Variants in CD2AP observed in about 807,000 individuals in gnomAD.
CD2AP encodes CD2-associated protein.
A neutral mutation model predicts 85.1 loss-of-function variants in CD2AP; 46 were observed. The observed-to-expected ratio is 0.54, with a 90% CI of 0.43 to 0.69. CD2AP has a LOEUF of 0.69. Ranked by LOEUF, CD2AP falls within the 30% of genes least tolerant of loss-of-function variation. The pLI is 0.00. For synonymous variants in CD2AP, 255 were observed against 252.9 expected, an observed-to-expected ratio of 1.01 and a Z score of -0.08; for missense variants, 769 against 729.5, an observed-to-expected ratio of 1.05 and a Z score of -0.62.
intron 1 of CD2AP, among the ~76,000 whole-genome samples, chr6:47,482,424 G>A (rs372131077): frequency 2.0e-5 from 3 of 149,848 alleles, no homozygotes; most frequent in East Asian, 2.0e-4. Context: ...TGTCGCCCAG[G>A]CTGGAGTGCA....
intron 3 of CD2AP, among the ~76,000 whole-genome samples, chr6:47,536,605 T>C (rs1452943934): frequency 6.6e-6 from 1 of 152,176 alleles, no homozygotes; most frequent in Admixed American, 6.5e-5. Flanking sequence ...AATGAAGCCG[T>C]GAAAACTTTT....
At chr6:47,480,082 T>C (rs1765406841) in intron 1 of CD2AP, among the ~76,000 whole-genome samples, 1 of 152,196 alleles carries the variant, frequency 6.6e-6, no homozygotes, top group African/African-American at 2.4e-5. Context: ...GTGTTCTGTT[T>C]AGGTGAGTTT....
At chr6:47,504,482 T>C (rs1475556479) in intron 2 of CD2AP, among the ~76,000 whole-genome samples, 2 of 152,246 alleles carry the variant, frequency 1.3e-5, no homozygotes, top group African/African-American at 2.4e-5. Flanking sequence ...AGATCTGTTA[T>C]ATAAAATGGC....
chr6:47,573,998 T>C, intron 5 of CD2AP, 66 bp from the exon 6 acceptor site: 1 of 1,349,096 alleles, frequency 7.4e-7, no homozygotes, highest in Non-Finnish European at 1.1e-6. Context: ...ATGTAGACAT[T>C]ATGACAGGAT....
At chr6:47,495,677 T>C (rs1765841848) in intron 1 of CD2AP, among the ~76,000 whole-genome samples, 1 of 152,174 alleles carries the variant, frequency 6.6e-6, no homozygotes, top group African/African-American at 2.4e-5. Context: ...TTCTAATGGG[T>C]CCAAGGAAAT....
chr6:47,538,948 A>T (rs1423350645), intron 3 of CD2AP, among the ~76,000 whole-genome samples: 1 of 152,212 alleles, frequency 6.6e-6, no homozygotes, highest in Non-Finnish European at 1.5e-5. Flanking sequence ...TTGTTTTTTT[A>T]AAAATACTAA....
chr6:47,595,196 C>T (rs1394094715), intron 11 of CD2AP, among the ~76,000 whole-genome samples: 1 of 151,870 alleles, frequency 6.6e-6, no homozygotes, highest in Non-Finnish European at 1.5e-5. Flanking sequence ...TCTTTATTGA[C>T]ATAGTATAAA....
At chr6:47,533,260 A>C (rs200064899) in intron 2 of CD2AP, among the ~76,000 whole-genome samples, 1 of 152,060 alleles carries the variant, frequency 6.6e-6, no homozygotes, top group Non-Finnish European at 1.5e-5. Flanking sequence ...AATATTTACT[A>C]TCTGGCACTT....
intron 2 of CD2AP, among the ~76,000 whole-genome samples, chr6:47,527,963 T>G (rs1766772349): frequency 1.3e-5 from 2 of 152,232 alleles, no homozygotes; most frequent in Admixed American, 6.5e-5. Flanking sequence ...TATTGTTGGC[T>G]AAGAAGCTTC....
intron 11 of CD2AP, among the ~76,000 whole-genome samples, chr6:47,591,564 A>T (rs1315692051): frequency 4.6e-5 from 7 of 152,080 alleles, no homozygotes; most frequent in African/African-American, 9.7e-5. Flanking sequence ...TGATTTTTTT[A>T]AATTAGAATT....
At chr6:47,586,973 G>A (rs902811899) in intron 11 of CD2AP, among the ~76,000 whole-genome samples, 1 of 152,180 alleles carries the variant, frequency 6.6e-6, no homozygotes, top group African/African-American at 2.4e-5. Context: ...CACCTGATAT[G>A]CCTTTAATAG....
chr6:47,477,804 C>G lies in CD2AP; in HGVS notation c.-441C>G, dbSNP rs111766401. 14,947 of 201,940 alleles carry G rather than the reference C, an allele frequency of 0.074. 636 individuals carry two copies. Among genetic ancestry groups the G allele is most frequent in the South Asian group, 0.12 (1,481 of 12,286 alleles). The allele number at this position is 201,940 out of a possible 1,614,324, so 12.5% of individuals were successfully genotyped here. ...CCTTCTCGGCCTCTGTCTGGGTCCC[C>G]ACCTTAGTCTACGGTGTCGCCTTTT... is the stretch of plus-strand genomic sequence containing the variant. On this transcript the variant is annotated 5_prime_UTR_variant, in exon 1 of 18. Transcript: ENST00000359314.
chr6:47,593,142 C>G (rs942968870), intron 11 of CD2AP, among the ~76,000 whole-genome samples: 1 of 152,090 alleles, frequency 6.6e-6, no homozygotes, highest in African/African-American at 2.4e-5. Flanking sequence ...GGGAATAAAT[C>G]CCCACACATT....
intron 4 of CD2AP, among the ~76,000 whole-genome samples, chr6:47,547,741 A>G (rs1767404420): frequency 6.6e-6 from 1 of 152,144 alleles, no homozygotes; most frequent in African/African-American, 2.4e-5. Flanking sequence ...TCAACAGTGC[A>G]TGTTCTTTCT....
intron 13 of CD2AP, among the ~76,000 whole-genome samples, chr6:47,601,291 T>C (rs1412651419): frequency 3.3e-5 from 5 of 151,928 alleles, no homozygotes; most frequent in Non-Finnish European, 7.4e-5. Flanking sequence ...ACATCTTATT[T>C]CTGATTTGTT....
At chr6:47,586,197 A>G in intron 11 of CD2AP, among the ~76,000 whole-genome samples, 1 of 152,206 alleles carries the variant, frequency 6.6e-6, no homozygotes. Flanking sequence ...AAATGTGAAC[A>G]TTACAGTGCA....
rs151139452 is a variant in CD2AP at position 47,500,658 on chromosome 6, G to C, written c.5-2622G>C. 1.2e-3 allele frequency among the ~76,000 whole-genome samples: 175 copies of C among 151,746 alleles called. No individual in the cohort carries two copies. The South Asian group carries it at 0.017, about 15-fold the overall frequency. On this transcript the variant is annotated intron_variant, in intron 1 of 17. Transcript: ENST00000359314. ...CCTCCACGTTAATTAAGTATCCGCT[G>C]TTTTTCTGGTCTCAAGTGGTTATAG...
chr6:47,484,070 AT>A (rs920587749), intron 1 of CD2AP, among the ~76,000 whole-genome samples: 8 of 151,048 alleles, frequency 5.3e-5, no homozygotes, highest in Admixed American at 2.6e-4. Flanking sequence ...TGCTTTTTAA[AT>A]TTTTTTTTGG....
At chr6:47,621,760 A>T (rs917866388) in intron 17 of CD2AP, among the ~76,000 whole-genome samples, 2 of 151,858 alleles carry the variant, frequency 1.3e-5, no homozygotes, top group African/African-American at 4.8e-5. Flanking sequence ...ATTCTTCCTG[A>T]TTTAATCTAG....
Sources: gnomAD v4.1 joint callset for allele counts (sites outside exome capture counted in the v4.1 genomes callset) on GRCh38, gnomAD v4.1.1 for gene constraint, MANE v1.5 for transcripts, NCBI Gene and HGNC (gene_info 2026-07-23, HGNC 2026-07-21) for gene names.